ST8SIA1: variants seen among roughly 807,000 people sequenced by gnomAD.
The protein encoded by ST8SIA1 is alpha-N-acetylneuraminide alpha-2,8-sialyltransferase.
ST8SIA1 carries 16 observed loss-of-function variants against 35.9 expected under a neutral mutation model. The ratio of observed to expected loss-of-function variants is 0.45; its 90% CI spans 0.30 to 0.68. ST8SIA1 has a LOEUF of 0.68. ST8SIA1 is among the 30% of genes least tolerant of loss of function. The probability of loss-of-function intolerance (pLI) is 0.09; values close to 1 mark genes in which losing one functional copy is unlikely to be tolerated. For synonymous variants in ST8SIA1, 170 were observed against 169.6 expected (o/e 1.00, Z -0.02); for missense variants, 383 against 453.6 (o/e 0.84, Z 1.41).
chr12:22,223,936 C>T (rs1865328813), intron 4 of ST8SIA1, among the ~76,000 whole-genome samples: 1 of 152,114 alleles, frequency 6.6e-6, no homozygotes, highest in African/African-American at 2.4e-5. Flanking sequence ...TAGATTATTA[C>T]TTTCTGACTT....
intron 4 of ST8SIA1, among the ~76,000 whole-genome samples, chr12:22,233,661 A>C (rs1395762742): frequency 2.0e-5 from 3 of 152,168 alleles, no homozygotes; most frequent in Non-Finnish European, 2.9e-5. Flanking sequence ...CTTCTCAAAA[A>C]AAAAAGGGTC....
chr12:22,212,091 ATGT>A (rs1167539938), intron 4 of ST8SIA1, among the ~76,000 whole-genome samples: 4 of 152,264 alleles, frequency 2.6e-5, no homozygotes, highest in South Asian at 2.1e-4. Flanking sequence ...TATTCTTATA[ATGT>A]TGTCTGTGCA....
intron 2 of ST8SIA1, among the ~76,000 whole-genome samples, chr12:22,272,885 T>A (rs1329527092): frequency 6.6e-6 from 1 of 152,244 alleles, no homozygotes; most frequent in African/African-American, 2.4e-5. Flanking sequence ...TCTCTGACTG[T>A]GATTTTTACA....
chr12:22,333,933 C>T (rs914714164), intron 1 of ST8SIA1, 64 bp downstream of exon 1: 33 of 1,440,124 alleles, frequency 2.3e-5, no homozygotes, highest in Non-Finnish European at 2.9e-5. Context: ...TCGCCGGTGA[C>T]CCTGTCCTCT....
At chr12:22,271,593 A>G (rs1159647679) in intron 2 of ST8SIA1, among the ~76,000 whole-genome samples, 1 of 152,234 alleles carries the variant, frequency 6.6e-6, no homozygotes, top group Non-Finnish European at 1.5e-5. Flanking sequence ...ACAGTTATTG[A>G]AAGAATTAAA....
At chr12:22,276,763 AT>A (rs1865973565) in intron 2 of ST8SIA1, among the ~76,000 whole-genome samples, 1 of 151,790 alleles carries the variant, frequency 6.6e-6, no homozygotes, top group Non-Finnish European at 1.5e-5. Context: ...TGTAGATTTT[AT>A]TTTTAATTTA....
At chr12:22,211,127 A>G (rs1865171186) in intron 4 of ST8SIA1, among the ~76,000 whole-genome samples, 1 of 152,208 alleles carries the variant, frequency 6.6e-6, no homozygotes, top group Admixed American at 6.5e-5. Context: ...TTTTCCTTTT[A>G]ATATTACAAA....
chr12:22,242,664 A>G (rs971668717), intron 4 of ST8SIA1, among the ~76,000 whole-genome samples: 1 of 152,224 alleles, frequency 6.6e-6, no homozygotes, highest in Non-Finnish European at 1.5e-5. Flanking sequence ...ATTCATACAA[A>G]TAAAATAAAG....
intron 4 of ST8SIA1, among the ~76,000 whole-genome samples, chr12:22,211,255 T>C (rs1298351649): frequency 6.6e-6 from 1 of 152,238 alleles, no homozygotes; most frequent in Non-Finnish European, 1.5e-5. Flanking sequence ...GTTAGGTTTT[T>C]ATGGAAGCTT....
rs1487109618 is a variant in ST8SIA1 at position 22,201,606 on chromosome 12, T to C, written c.1017A>G (p.Ala339=). 3 of 1,613,958 alleles carry C rather than the reference T, an allele frequency of 1.9e-6. No homozygotes were observed. The highest frequency in any genetic ancestry group is 1.7e-6 in the Non-Finnish European group (2 of 1,179,938). The change falls in exon 5 of 5, where the codon GCA becomes GCG. Residue 339 remains alanine (A), a synonymous_variant. Transcript: ENST00000396037. ...CACATGGGTCCAGCTGCATTCTCAG[T>C]GCACCGATTTTATGAAGATACCAGA... The part of the protein sequence containing the change: ...LQLWYLHKIG[A]LRMQLDPCED...
intron 1 of ST8SIA1, among the ~76,000 whole-genome samples, chr12:22,308,455 T>C (rs1173372107): frequency 1.3e-5 from 2 of 152,214 alleles, no homozygotes; most frequent in Non-Finnish European, 2.9e-5. Flanking sequence ...CTCTCTGACA[T>C]CTTCAAAATC....
At chr12:22,310,910 A>G (rs1047108774) in intron 1 of ST8SIA1, among the ~76,000 whole-genome samples, 5 of 152,174 alleles carry the variant, frequency 3.3e-5, no homozygotes, top group Non-Finnish European at 5.9e-5. Flanking sequence ...GCAGCTGCAG[A>G]CTGTTCCCAG....
Position 22,224,918 on chromosome 12 carries a change from C to T in ST8SIA1, c.585-22880G>A, listed in dbSNP as rs531294153. On this transcript the variant is annotated intron_variant, in intron 4 of 4. Coordinates refer to ENST00000396037, the MANE Select transcript of ST8SIA1 (RefSeq NM_003034.4). ...TAATAGTTAAGTTAAAATGAGGCCA[C>T]AGCACATTAGGGTGAGCCCTGATCC... 5.8e-4 allele frequency among the ~76,000 whole-genome samples: 88 copies of T among 152,304 alleles called. 1 individual carries two copies. Among genetic ancestry groups the T allele is most frequent in the Non-Finnish European group, 9.4e-4 (64 of 68,038 alleles).
At chr12:22,301,429 CT>C (rs34395687) in intron 1 of ST8SIA1, among the ~76,000 whole-genome samples, 56,715 of 151,462 alleles carry the variant, frequency 0.37, 11,605 homozygotes, top group Middle Eastern at 0.63. Context: ...GTAAAGGAAA[CT>C]TTTTTTTTGA....
chr12:22,226,214 C>T (rs1865356047), intron 4 of ST8SIA1, among the ~76,000 whole-genome samples: 1 of 152,176 alleles, frequency 6.6e-6, no homozygotes, highest in South Asian at 2.1e-4. Context: ...CTTGGCTAGA[C>T]TTTTTAAAGA....
At chr12:22,209,360 A>C (rs1305075547) in intron 4 of ST8SIA1, among the ~76,000 whole-genome samples, 1 of 152,190 alleles carries the variant, frequency 6.6e-6, no homozygotes, top group East Asian at 1.9e-4. Flanking sequence ...GCCAAATCCG[A>C]GATGAGGAAA....
chr12:22,260,243 C>A (rs1271641441), intron 2 of ST8SIA1, among the ~76,000 whole-genome samples: 8 of 151,742 alleles, frequency 5.3e-5, no homozygotes, highest in Non-Finnish European at 1.2e-4. Flanking sequence ...CTCACTGCAG[C>A]CTTGATCTCC....
At chr12:22,274,332 G>A (rs1865945015) in intron 2 of ST8SIA1, among the ~76,000 whole-genome samples, 3 of 152,154 alleles carry the variant, frequency 2.0e-5, no homozygotes, top group Non-Finnish European at 2.9e-5. Context: ...TGGAGAAGAG[G>A]CCAGATTAGA....
intron 4 of ST8SIA1, among the ~76,000 whole-genome samples, chr12:22,224,002 A>G (rs1353393536): frequency 6.6e-6 from 1 of 152,240 alleles, no homozygotes; most frequent in Non-Finnish European, 1.5e-5. Flanking sequence ...GATTCTTGAT[A>G]CATGTCAATT....
Sources: allele counts gnomAD v4.1 joint callset (sites outside exome capture counted in the v4.1 genomes callset), GRCh38; gene constraint gnomAD v4.1.1; transcripts MANE v1.5; gene names NCBI Gene and HGNC (gene_info 2026-07-23, HGNC 2026-07-21).